The following PAPOLA variants were observed in gnomAD, a reference collection of about 807,000 sequenced individuals.
The protein encoded by PAPOLA is poly(A) polymerase alpha.
A neutral mutation model predicts 100.6 loss-of-function variants in PAPOLA; 15 were observed. That is an observed-to-expected ratio of 0.15 (90% CI 0.10 to 0.23). The LOEUF (loss-of-function observed/expected upper bound fraction) is 0.23, where lower values mean the gene tolerates loss of function less well. PAPOLA is among the 10% of genes least tolerant of loss of function. The probability of loss-of-function intolerance (pLI) is 1.00; values close to 1 mark genes in which losing one functional copy is unlikely to be tolerated. For synonymous variants in PAPOLA, 293 were observed against 300.0 expected (o/e 0.98, Z 0.24); for missense variants, 533 against 884.2 (o/e 0.60, Z 5.04).
At chr14:96,538,192 G>T (rs557068485) in intron 12 of PAPOLA, among the ~76,000 whole-genome samples, 1 of 152,034 alleles carries the variant, frequency 6.6e-6, no homozygotes, top group South Asian at 2.1e-4. Context: ...ACAGTTACAT[G>T]TAAGGAGAAG....
intron 1 of PAPOLA, among the ~76,000 whole-genome samples, chr14:96,512,732 A>G (rs1490712537): frequency 6.6e-6 from 1 of 152,194 alleles, no homozygotes; most frequent in African/African-American, 2.4e-5. Context: ...CATGTACTGT[A>G]ATTAACAAGT....
chr14:96,528,602 G>A (rs1898706075), intron 6 of PAPOLA, among the ~76,000 whole-genome samples: 1 of 152,198 alleles, frequency 6.6e-6, no homozygotes, highest in Non-Finnish European at 1.5e-5. Context: ...GAAACTGTAA[G>A]AGAAATAATT....
Position 96,567,093 on chromosome 14 carries a change from TAAAA to T in PAPOLA, c.*2050_*2053del, listed in dbSNP as rs890258323. On this transcript the variant is annotated 3_prime_UTR_variant, in exon 22 of 22. Transcript: ENST00000216277. ...ATGTATTTCTCCATTGAAAACACAA[TAAAA>T]AAAAAACAGCACAATCTCACAGTTG... is the stretch of plus-strand genomic sequence containing the variant. 1 of 147,768 alleles carries T rather than the reference TAAAA, an allele frequency of 6.8e-6. No individual in the cohort carries two copies. The highest frequency in any genetic ancestry group is 1.5e-5 in the Non-Finnish European group (1 of 66,362). 9.2% of individuals were successfully genotyped at this position (147,768 alleles called of 1,614,324 possible). A position where few individuals can be genotyped will look rare whatever the true frequency, so the allele number is the denominator to read the frequency against.
chr14:96,520,801 C>T (rs905852934), intron 2 of PAPOLA, among the ~76,000 whole-genome samples: 5 of 151,858 alleles, frequency 3.3e-5, no homozygotes, highest in African/African-American at 1.2e-4. Context: ...ATGCCTTACT[C>T]AGTGTAACAG....
chr14:96,533,850 G>T, intron 9 of PAPOLA: 2 of 984,100 alleles, frequency 2.0e-6, no homozygotes, highest in Non-Finnish European at 2.4e-6. Flanking sequence ...ACCGCGTCCG[G>T]CTGTCAGAAT....
Position 96,566,832 on chromosome 14 carries a change from A to G in PAPOLA, c.*1782A>G, listed in dbSNP as rs1410314760. On this transcript the variant is annotated 3_prime_UTR_variant, in exon 22 of 22. Transcript: ENST00000216277. The stretch of plus-strand genomic sequence containing the variant: ...CAGATTTAGTCTTGTCATTTTGTTT[A>G]CACATTGGGGAAAACAATTCAGTTT... 6.6e-6 allele frequency: 1 copy of G among 152,610 alleles called. No homozygotes were observed. The highest frequency in any genetic ancestry group is 1.9e-4 in the East Asian group (1 of 5,198). The allele number at this position is 152,610 out of a possible 1,614,324, so 9.5% of individuals were successfully genotyped here. A position where few individuals can be genotyped will look rare whatever the true frequency, so the allele number is the denominator to read the frequency against.
At position 96,566,100 on chromosome 14, in the gene PAPOLA, C is replaced by T. The variant is rs1902248723; in HGVS notation, c.*1050C>T. ...TTTGATCTCTAAAAGGAATTTTGTA[C>T]ACTCCACAGAACTCCTATCTATAGT... On this transcript the variant is annotated 3_prime_UTR_variant, in exon 22 of 22. Coordinates refer to ENST00000216277, the MANE Select transcript of PAPOLA (RefSeq NM_032632.5). 5.1e-6 allele frequency: 2 copies of T among 394,552 alleles called. No individual in the cohort carries two copies. The highest frequency in any genetic ancestry group is 9.0e-6 in the Non-Finnish European group (2 of 223,356). The allele number at this position is 394,552 out of a possible 1,614,324, so 24.4% of individuals were successfully genotyped here.
At position 96,546,641 on chromosome 14, in the gene PAPOLA, A is replaced by G. The variant is rs113688531; in HGVS notation, c.1400-1156A>G. On this transcript the variant is annotated intron_variant, in intron 15 of 21. Transcript: ENST00000216277. ...GCATTTGGTACTGAAAGACAGTATC[A>G]TTTCTGCAGGGAACCATTGGTACTC... Among the ~76,000 whole-genome samples, 126 of 152,236 alleles carry G rather than the reference A, an allele frequency of 8.3e-4. 1 individual carries two copies. Among genetic ancestry groups the G allele is most frequent in the African/African-American group, 2.9e-3 (120 of 41,560 alleles).
chr14:96,523,609 T>C (rs1002795791), intron 3 of PAPOLA, among the ~76,000 whole-genome samples: 1 of 152,206 alleles, frequency 6.6e-6, no homozygotes, highest in Non-Finnish European at 1.5e-5. Context: ...GGTTTTAAAA[T>C]ATCTAAACAT....
intron 3 of PAPOLA, among the ~76,000 whole-genome samples, chr14:96,522,123 T>TC (rs1326406337): frequency 1.6e-5 from 2 of 128,410 alleles, no homozygotes; most frequent in African/African-American, 6.4e-5. Flanking sequence ...TTTCTTTTTT[T>TC]TTTTTTTTTT....
At chr14:96,510,851 C>T (rs1897067870) in intron 1 of PAPOLA, among the ~76,000 whole-genome samples, 1 of 152,128 alleles carries the variant, frequency 6.6e-6, no homozygotes, top group Non-Finnish European at 1.5e-5. Context: ...GATAATCTTG[C>T]CTGTAAGCTA....
intron 1 of PAPOLA, among the ~76,000 whole-genome samples, chr14:96,517,712 T>C (rs940497585): frequency 2.0e-5 from 3 of 150,944 alleles, no homozygotes; most frequent in Admixed American, 2.0e-4. Context: ...TTTTTTTTTT[T>C]TTTTTTCCTG....
chr14:96,534,067 A>T, intron 9 of PAPOLA: 2 of 990,906 alleles, frequency 2.0e-6, no homozygotes, highest in South Asian at 9.2e-5. Flanking sequence ...TTCTATAATT[A>T]TTCATACCCC....
At chr14:96,515,797 A>G (rs532834300) in intron 1 of PAPOLA, among the ~76,000 whole-genome samples, 1 of 152,312 alleles carries the variant, frequency 6.6e-6, no homozygotes, top group East Asian at 1.9e-4. Flanking sequence ...TGTGTTACGT[A>G]AATTGTAGAA....
rs549310358 is a variant in PAPOLA at position 96,529,846 on chromosome 14, T to C, written c.496-1629T>C. ...TAACTACCAAAGCTGTGCTGTTTCT[T>C]TGCACTCTCACCTTTCCTTTAGAAA... is the stretch of plus-strand genomic sequence containing the variant. On this transcript the variant is annotated intron_variant, in intron 6 of 21. Transcript: ENST00000216277. Among the ~76,000 whole-genome samples, 3 of 152,356 alleles carry C rather than the reference T, an allele frequency of 2.0e-5. No homozygotes were observed. The South Asian group carries it at 6.2e-4, about 32-fold the overall frequency.
Position 96,532,260 on chromosome 14 carries a change from TG to T in PAPOLA, c.608-70del, listed in dbSNP as rs1250815523. Reference sequence around the variant, plus strand: ...CATTAAACTTTTGATGATTTAATGTTGTTTTTTTTTGTTTTGTTTTGTTTTG... The same window carrying T: ...CATTAAACTTTTGATGATTTAATGTTTTTTTTTTTGTTTTGTTTTGTTTTG... On this transcript the variant is annotated intron_variant, in intron 7 of 21. Coordinates refer to ENST00000216277, the MANE Select transcript of PAPOLA (RefSeq NM_032632.5). The T allele has an allele frequency of 7.8e-5, 116 of 1,486,438 alleles. 1 individual carries two copies. The Middle Eastern group carries it at 1.0e-3, about 13-fold the overall frequency. 92.1% of individuals were successfully genotyped at this position (1,486,438 alleles called of 1,614,324 possible). A position where few individuals can be genotyped will look rare whatever the true frequency, so the allele number is the denominator to read the frequency against.
At chr14:96,516,799 A>AT (rs944857457) in intron 1 of PAPOLA, among the ~76,000 whole-genome samples, 5 of 152,212 alleles carry the variant, frequency 3.3e-5, no homozygotes, top group Non-Finnish European at 7.3e-5. Flanking sequence ...TGTAATCAAT[A>AT]TTTTTTCAAA....
chr14:96,556,321 G>A lies in PAPOLA; in HGVS notation c.1912G>A (p.Ala638Thr), dbSNP rs777994475. 1.2e-6 allele frequency: 2 copies of A among 1,613,744 alleles called. No homozygotes were observed. Among genetic ancestry groups the A allele is most frequent in the Non-Finnish European group, 1.7e-6 (2 of 1,179,906 alleles). The change falls in exon 19 of 22, where the codon GCA becomes ACA. Residue 638 changes from alanine (A) to threonine (T), a missense_variant. By Grantham distance (58) the Ala-to-Thr change is moderately conservative. Transcript: ENST00000216277. ...AGGAAATGCAGCAACTTCAGGAAAT[G>A]CAGCAACAAAAATACCTACTCCTAT... ...SSGNAATSGN[A>T]ATKIPTPIVG...
chr14:96,539,098 G>A (rs565216205), intron 12 of PAPOLA, among the ~76,000 whole-genome samples: 3 of 151,996 alleles, frequency 2.0e-5, no homozygotes, highest in Non-Finnish European at 4.4e-5. Context: ...TTTAAATGCC[G>A]CTTCTGAGAT....
Sources: gnomAD v4.1 joint callset for allele counts (sites outside exome capture counted in the v4.1 genomes callset) on GRCh38, gnomAD v4.1.1 for gene constraint, MANE v1.5 for transcripts, NCBI Gene and HGNC (gene_info 2026-07-23, HGNC 2026-07-21) for gene names.